The following TRAP1 variants were observed in gnomAD, a reference collection of about 807,000 sequenced individuals.
TRAP1 encodes the protein TNF receptor associated protein 1, also known as heat shock protein 75 kDa, mitochondrial.
In TRAP1, 102 loss-of-function variants were observed where a neutral mutation model predicts 89.1. The observed-to-expected ratio is 1.15, with a 90% CI of 0.98 to 1.35. The LOEUF is 1.35. Ranked by LOEUF, TRAP1 falls within the 40% of genes most tolerant of loss-of-function variation. The pLI is 0.00. For synonymous variants in TRAP1, 508 were observed against 388.0 expected, an observed-to-expected ratio of 1.31 and a Z score of -3.64; for missense variants, 1,256 against 945.3, an observed-to-expected ratio of 1.33 and a Z score of -4.31.
At chr16:3,659,620 G>A (rs895308931) in intron 16 of TRAP1, 13 of 152,118 alleles carry the variant, frequency 8.5e-5, no homozygotes, top group African/African-American at 3.1e-4. Context: ...AAAACCGAGG[G>A]CTCTGGGGAA....
intron 1 of TRAP1, among the ~76,000 whole-genome samples, chr16:3,698,621 A>G (rs1252660862): frequency 2.0e-5 from 3 of 151,048 alleles, no homozygotes; most frequent in African/African-American, 4.9e-5. Context: ...ACTTTTAATC[A>G]CTAACTCAGG....
intron 1 of TRAP1, among the ~76,000 whole-genome samples, chr16:3,707,381 T>A (rs2051463199): frequency 6.7e-6 from 1 of 149,134 alleles, no homozygotes; most frequent in Non-Finnish European, 1.5e-5. Flanking sequence ...GAGACGGGGT[T>A]TCACCATGTT....
chr16:3,667,059 G>A (rs1425838036), intron 11 of TRAP1, among the ~76,000 whole-genome samples: 1 of 152,226 alleles, frequency 6.6e-6, no homozygotes, highest in African/African-American at 2.4e-5. Flanking sequence ...GAATGGGACA[G>A]GACATGCCTT....
At chr16:3,667,638 T>C (rs2050853889) in intron 11 of TRAP1, among the ~76,000 whole-genome samples, 1 of 146,576 alleles carries the variant, frequency 6.8e-6, no homozygotes, top group East Asian at 2.0e-4. Flanking sequence ...AATAAATAAA[T>C]AAATAAATAA....
intron 1 of TRAP1, among the ~76,000 whole-genome samples, chr16:3,705,849 T>TTATA (rs1326763222): frequency 6.6e-6 from 1 of 150,802 alleles, no homozygotes; most frequent in Non-Finnish European, 1.5e-5. Flanking sequence ...CCGGCTAATT[T>TTATA]TATATATATA....
At chr16:3,683,288 G>T (rs944067064) in intron 4 of TRAP1, among the ~76,000 whole-genome samples, 1 of 152,196 alleles carries the variant, frequency 6.6e-6, no homozygotes, top group Non-Finnish European at 1.5e-5. Flanking sequence ...AGAGAAAAAG[G>T]ACATGAGGTA....
chr16:3,659,009 A>ATAG, intron 16 of TRAP1, 144 bp from the exon 17 acceptor site: 2 of 772,734 alleles, frequency 2.6e-6, no homozygotes, highest in Non-Finnish European at 4.2e-6. Flanking sequence ...ATGATCATTT[A>ATAG]TAGATAATAT....
chr16:3,685,188 G>T (rs1379886114), intron 4 of TRAP1, among the ~76,000 whole-genome samples: 1 of 152,164 alleles, frequency 6.6e-6, no homozygotes, highest in East Asian at 1.9e-4. Context: ...GCAAAGGCAG[G>T]GAGAGAAGAA....
chr16:3,681,804 T>C (rs1596722587), intron 4 of TRAP1, among the ~76,000 whole-genome samples: 1 of 152,200 alleles, frequency 6.6e-6, no homozygotes. Context: ...CCCAAACTGA[T>C]CTGCACTGCA....
intron 1 of TRAP1, 93 bp from the exon 2 acceptor site, chr16:3,691,078 A>C: frequency 8.2e-7 from 1 of 1,212,706 alleles, no homozygotes; most frequent in Non-Finnish European, 1.1e-6. Flanking sequence ...AGCAGAAGCT[A>C]GCGTGGACAT....
chr16:3,679,641 C>A lies in TRAP1; in HGVS notation c.543+78G>T, dbSNP rs1194688967. 3 of 1,469,332 alleles carry A rather than the reference C, an allele frequency of 2.0e-6. No individual in the cohort carries two copies. In the Admixed American group the frequency reaches 5.1e-5, roughly 25 times the overall value. The allele number at this position is 1,469,332 out of a possible 1,614,324, so 91.0% of individuals were successfully genotyped here. A position where few individuals can be genotyped will look rare whatever the true frequency, so the allele number is the denominator to read the frequency against. On this transcript the variant is annotated intron_variant, in intron 5 of 17. Coordinates refer to ENST00000246957, the MANE Select transcript of TRAP1 (RefSeq NM_016292.3). ...CTGACAACGTTCTTACTTAATCTGG[C>A]ACCCAGGGCCACCCCTACTGGAGGG...
At chr16:3,705,987 C>G (rs1162606414) in intron 1 of TRAP1, among the ~76,000 whole-genome samples, 2 of 151,158 alleles carry the variant, frequency 1.3e-5, no homozygotes, top group Admixed American at 1.3e-4. Context: ...GCCACCAGTC[C>G]CGGCCCTTTT....
chr16:3,710,028 C>A (rs1305936705), intron 1 of TRAP1, among the ~76,000 whole-genome samples: 1 of 152,230 alleles, frequency 6.6e-6, no homozygotes, highest in Non-Finnish European at 1.5e-5. Flanking sequence ...TTAGCTCTGG[C>A]ATTCTCAACA....
At position 3,662,058 on chromosome 16, in the gene TRAP1, G is replaced by T; in HGVS notation, c.1869C>A (p.Arg623=). ...CCTGGGTCTTGGCCAGCTGCTGCAT[G>T]CGCAGGAAGTGGCGGGCAGCCCCCA... ...LEMGAARHFL[R]MQQLAKTQEE... The change falls in exon 16 of 18, where the codon CGC becomes CGA. Residue 623 remains arginine (R), a synonymous_variant. Coordinates refer to ENST00000246957, the MANE Select transcript of TRAP1 (RefSeq NM_016292.3). 3.1e-6 allele frequency: 5 copies of T among 1,613,486 alleles called. No individual in the cohort carries two copies. The highest frequency in any genetic ancestry group is 4.2e-6 in the Non-Finnish European group (5 of 1,179,956).
Position 3,664,449 on chromosome 16 carries a change from G to C in TRAP1, c.1394C>G (p.Ala465Gly), listed in dbSNP as rs200472693. Reference protein sequence around the residue: ...ATEQEVKEDIAKLLRYESSAL... With the variant: ...ATEQEVKEDIGKLLRYESSAL... ...CGAGGACTCGTAGCGCAGCAGCTTTGCTATGTCCTCCTAGAAGGGACGGGG... is the reference window on the plus strand; with the variant it reads ...CGAGGACTCGTAGCGCAGCAGCTTTCCTATGTCCTCCTAGAAGGGACGGGG... The change falls in exon 13 of 18, where the codon GCA becomes GGA. Residue 465 changes from alanine to glycine, a missense_variant. Physicochemically the swap from Ala to Gly is moderately conservative, Grantham distance 60. Transcript: ENST00000246957. The C allele has an allele frequency of 1.6e-5, 26 of 1,610,522 alleles. No individual in the cohort carries two copies. The highest frequency in any genetic ancestry group is 1.5e-4 in the Admixed American group (9 of 59,300).
intron 4 of TRAP1, among the ~76,000 whole-genome samples, chr16:3,685,657 C>T (rs1270926193): frequency 3.9e-5 from 6 of 152,090 alleles, no homozygotes; most frequent in African/African-American, 7.2e-5. Flanking sequence ...GAGGGGAAAA[C>T]GCAGTTAAAA....
chr16:3,703,043 G>GAAAAAAA (rs36093237), intron 1 of TRAP1, among the ~76,000 whole-genome samples: 9 of 43,502 alleles, frequency 2.1e-4, no homozygotes, highest in Admixed American at 3.0e-4. Flanking sequence ...ACTCCGTCTT[G>GAAAAAAA]AAAAAAAAAA....
chr16:3,679,691 G>T (rs1201200329), intron 5 of TRAP1, 28 bp downstream of exon 5: 5 of 1,613,142 alleles, frequency 3.1e-6, no homozygotes, highest in Non-Finnish European at 4.2e-6. Flanking sequence ...AGGGGAAGGG[G>T]GAGGCTGTGT....
rs958088681 is a variant in TRAP1 at position 3,662,441 on chromosome 16, G to C, written c.1795-309C>G. On this transcript the variant is annotated intron_variant, in intron 15 of 17. Coordinates refer to ENST00000246957, the MANE Select transcript of TRAP1 (RefSeq NM_016292.3). ...CCCTGCATGAGGCCCCTTCCTCCAA[G>C]TGACCATGCATGGGACGCTCATTTC... is the stretch of plus-strand genomic sequence containing the variant. 5.5e-6 allele frequency: 3 copies of C among 544,994 alleles called. No homozygotes were observed. The South Asian group carries it at 6.2e-5, about 11-fold the overall frequency. 33.8% of individuals were successfully genotyped at this position (544,994 alleles called of 1,614,324 possible).
Sources: allele counts gnomAD v4.1 joint callset (sites outside exome capture counted in the v4.1 genomes callset), GRCh38; gene constraint gnomAD v4.1.1; transcripts MANE v1.5; gene names NCBI Gene and HGNC (gene_info 2026-07-23, HGNC 2026-07-21).